The following CCSER1 variants were observed in gnomAD, a reference collection of about 807,000 sequenced individuals.
CCSER1 encodes coiled-coil serine rich protein 1, also known as serine-rich coiled-coil domain-containing protein 1.
CCSER1 carries 41 observed loss-of-function variants against 82.0 expected under a neutral mutation model. The observed-to-expected ratio is 0.50, with a 90% CI of 0.39 to 0.65. The LOEUF (loss-of-function observed/expected upper bound fraction) is 0.65. CCSER1 is among the 30% of genes least tolerant of loss of function. CCSER1 has a pLI of 0.00. For missense variants in CCSER1, 1,119 were observed against 1,064.2 expected, an observed-to-expected ratio of 1.05 and a Z score of -0.72; for synonymous variants, 414 against 383.9, an observed-to-expected ratio of 1.08 and a Z score of -0.92.
chr4:90,447,103 C>T (rs1207136240), intron 4 of CCSER1, among the ~76,000 whole-genome samples: 1 of 152,168 alleles, frequency 6.6e-6, no homozygotes, highest in Non-Finnish European at 1.5e-5. Context: ...ATTTTCAACT[C>T]TGCAGGGATT....
intron 2 of CCSER1, 103 bp downstream of exon 2, chr4:90,309,711 G>A (rs572460459): frequency 6.7e-6 from 6 of 889,488 alleles, no homozygotes; most frequent in Admixed American, 6.7e-5. Context: ...CATTTTTCTT[G>A]TTTTTCACTT....
chr4:91,557,330 A>G lies in CCSER1; in HGVS notation c.2218-41242A>G, dbSNP rs141872041. On this transcript the variant is annotated intron_variant, in intron 10 of 10. Coordinates refer to ENST00000509176, the MANE Select transcript of CCSER1 (RefSeq NM_001145065.2). ...TACCTTGTGCTATTGACTTAAAGTT[A>G]TAAGATAGCCCTGAAGAGTCTTGGC... 7.6e-3 allele frequency among the ~76,000 whole-genome samples: 1,156 copies of G among 151,540 alleles called. 52 individuals are homozygous for G. Among genetic ancestry groups the G allele is most frequent in the Admixed American group, 0.069 (1,038 of 15,106 alleles).
chr4:90,747,048 T>C (rs538779216), intron 7 of CCSER1, among the ~76,000 whole-genome samples: 1 of 151,628 alleles, frequency 6.6e-6, no homozygotes, highest in African/African-American at 2.4e-5. Flanking sequence ...AAGATCAAAG[T>C]AGAGGAAGAG....
At chr4:90,560,697 T>C (rs922283485) in intron 5 of CCSER1, among the ~76,000 whole-genome samples, 1 of 152,156 alleles carries the variant, frequency 6.6e-6, no homozygotes, top group South Asian at 2.1e-4. Context: ...CTTTCTCATA[T>C]AATGTTAAGT....
At chr4:91,276,904 A>T (rs1348217715) in intron 10 of CCSER1, among the ~76,000 whole-genome samples, 2 of 152,112 alleles carry the variant, frequency 1.3e-5, no homozygotes, top group African/African-American at 4.8e-5. Flanking sequence ...ACAACTATTG[A>T]GATGATCATA....
intron 9 of CCSER1, among the ~76,000 whole-genome samples, chr4:90,947,146 C>T (rs1482642899): frequency 1.3e-5 from 2 of 152,164 alleles, no homozygotes; most frequent in East Asian, 1.9e-4. Context: ...ACAGGTAACT[C>T]ACTCCAGGGA....
chr4:90,660,274 C>A (rs1487484652), intron 6 of CCSER1, among the ~76,000 whole-genome samples: 1 of 148,936 alleles, frequency 6.7e-6, no homozygotes, highest in African/African-American at 2.4e-5. Flanking sequence ...GATATGAAAT[C>A]AACCTAAGTG....
At chr4:91,095,391 G>C (rs984918956) in intron 10 of CCSER1, among the ~76,000 whole-genome samples, 24 of 152,052 alleles carry the variant, frequency 1.6e-4, no homozygotes, top group African/African-American at 4.6e-4. Context: ...CTGCCCTTTG[G>C]GGGGGATCCC....
chr4:90,217,597 C>A (rs1258339720), intron 1 of CCSER1, among the ~76,000 whole-genome samples: 1 of 152,076 alleles, frequency 6.6e-6, no homozygotes, highest in Non-Finnish European at 1.5e-5. Flanking sequence ...CCTTCTCTTG[C>A]CTGATAGCTC....
At chr4:90,403,431 G>A (rs1175741640) in intron 4 of CCSER1, among the ~76,000 whole-genome samples, 25 of 148,158 alleles carry the variant, frequency 1.7e-4, no homozygotes, top group African/African-American at 2.7e-4. Flanking sequence ...CCCGGGAGGC[G>A]GAGCTTGCAG....
intron 4 of CCSER1, among the ~76,000 whole-genome samples, chr4:90,409,177 GA>G (rs1754255895): frequency 6.6e-6 from 1 of 152,222 alleles, no homozygotes; most frequent in South Asian, 2.1e-4. Context: ...AAGTGACAGG[GA>G]GAATGGAACC....
intron 10 of CCSER1, among the ~76,000 whole-genome samples, chr4:91,592,916 G>A (rs879565437): frequency 2.0e-5 from 3 of 151,974 alleles, no homozygotes; most frequent in Non-Finnish European, 4.4e-5. Flanking sequence ...ATGTATGCAA[G>A]CAATTATAAC....
intron 10 of CCSER1, among the ~76,000 whole-genome samples, chr4:91,191,412 C>T (rs548894707): frequency 1.3e-5 from 2 of 152,270 alleles, no homozygotes; most frequent in Admixed American, 6.5e-5. Flanking sequence ...CATGTGTATA[C>T]TTATAACTGC....
intron 5 of CCSER1, among the ~76,000 whole-genome samples, chr4:90,602,324 C>A (rs545839302): frequency 6.6e-6 from 1 of 152,036 alleles, no homozygotes; most frequent in East Asian, 1.9e-4. Context: ...ATTAATATAA[C>A]CTCCTCTTTT....
At chr4:91,231,881 G>C (rs1738656356) in intron 10 of CCSER1, among the ~76,000 whole-genome samples, 1 of 151,696 alleles carries the variant, frequency 6.6e-6, no homozygotes, top group South Asian at 2.1e-4. Context: ...CTTTATGCAG[G>C]TAAAATCCAA....
chr4:91,441,628 AG>A (rs1336262421), intron 10 of CCSER1, among the ~76,000 whole-genome samples: 1 of 152,210 alleles, frequency 6.6e-6, no homozygotes, highest in African/African-American at 2.4e-5. Flanking sequence ...CAGGGCAGTT[AG>A]GCAGGAGAAG....
intron 10 of CCSER1, among the ~76,000 whole-genome samples, chr4:91,099,223 G>A (rs1185470308): frequency 1.3e-5 from 2 of 152,100 alleles, no homozygotes; most frequent in Non-Finnish European, 2.9e-5. Context: ...GTATAGTTTA[G>A]TAGAATAAGA....
chr4:91,200,741 T>A (rs539608080), intron 10 of CCSER1, among the ~76,000 whole-genome samples: 1 of 152,120 alleles, frequency 6.6e-6, no homozygotes, highest in South Asian at 2.1e-4. Flanking sequence ...TTTAACAGAC[T>A]CCAATGCCAA....
chr4:91,226,083 C>T (rs570432089), intron 10 of CCSER1, among the ~76,000 whole-genome samples: 13 of 151,866 alleles, frequency 8.6e-5, no homozygotes, highest in African/African-American at 2.9e-4. Flanking sequence ...TATACAAGTG[C>T]GATGTTGGTG....
Sources: allele counts gnomAD v4.1 joint callset (sites outside exome capture counted in the v4.1 genomes callset), GRCh38; gene constraint gnomAD v4.1.1; transcripts MANE v1.5; gene names NCBI Gene and HGNC (gene_info 2026-07-23, HGNC 2026-07-21).